ALK: variants seen among roughly 807,000 people sequenced by gnomAD.
ALK encodes ALK receptor tyrosine kinase, also known as ALK tyrosine kinase receptor.
A neutral mutation model predicts 163.1 loss-of-function variants in ALK; 74 were observed. The observed-to-expected ratio is 0.45, with a 90% CI of 0.38 to 0.55. The LOEUF is 0.55. ALK is among the 20% of genes least tolerant of loss of function. ALK has a pLI of 0.00. For synonymous variants in ALK, 960 were observed against 843.2 expected (o/e 1.14, Z -2.40); for missense variants, 2,063 against 2,105.3 (o/e 0.98, Z 0.39).
chr2:29,508,251 G>A (rs1476713084), intron 4 of ALK, among the ~76,000 whole-genome samples: 7 of 152,092 alleles, frequency 4.6e-5, no homozygotes, highest in Admixed American at 3.9e-4. Context: ...GACACCCAAC[G>A]CATTTCCTTT....
At chr2:29,482,628 A>G (rs1439656352) in intron 4 of ALK, among the ~76,000 whole-genome samples, 1 of 152,142 alleles carries the variant, frequency 6.6e-6, no homozygotes, top group Non-Finnish European at 1.5e-5. Context: ...CATGTATCCT[A>G]TGGGTCCTCA....
chr2:29,897,134 AC>A (rs983213849), intron 1 of ALK, among the ~76,000 whole-genome samples: 2 of 152,178 alleles, frequency 1.3e-5, no homozygotes, highest in Non-Finnish European at 2.9e-5. Context: ...AGCCTGGCCA[AC>A]ATGGTGAAAC....
At chr2:29,591,449 C>T (rs1338713484) in intron 3 of ALK, among the ~76,000 whole-genome samples, 4 of 152,100 alleles carry the variant, frequency 2.6e-5, no homozygotes, top group East Asian at 1.9e-4. Context: ...GAGGGCTGGA[C>T]GTAGGCAAGT....
intron 8 of ALK, among the ~76,000 whole-genome samples, chr2:29,302,392 C>T (rs1666396591): frequency 1.3e-5 from 2 of 152,124 alleles, no homozygotes; most frequent in Non-Finnish European, 2.9e-5. Context: ...GTGGCAGGCA[C>T]CTGTAATCCC....
chr2:29,738,928 A>G (rs1389912040), intron 1 of ALK, among the ~76,000 whole-genome samples: 2 of 152,088 alleles, frequency 1.3e-5, no homozygotes, highest in East Asian at 3.9e-4. Flanking sequence ...GATGTGCAGA[A>G]AAGGGAGAAA....
At chr2:29,221,127 A>G in intron 22 of ALK, 1 of 577,268 alleles carries the variant, frequency 1.7e-6, no homozygotes. Flanking sequence ...GGGGCAGGAG[A>G]GTGTCTTTCT....
chr2:29,408,439 CATGAGGGGTAACAAGCCCG>C (rs1291194268), intron 4 of ALK, among the ~76,000 whole-genome samples: 1 of 151,970 alleles, frequency 6.6e-6, no homozygotes, highest in Non-Finnish European at 1.5e-5. Flanking sequence ...TGGAGTGGAC[CATGAGGGGTAACAAGCCCG>C]ATGGAGCTCA....
chr2:29,270,099 A>G (rs1454363033), intron 11 of ALK, among the ~76,000 whole-genome samples: 3 of 151,980 alleles, frequency 2.0e-5, no homozygotes, highest in Non-Finnish European at 2.9e-5. Flanking sequence ...GACCTATTCA[A>G]TAATGAAAGA....
intron 3 of ALK, among the ~76,000 whole-genome samples, chr2:29,569,085 C>T (rs1674279973): frequency 6.6e-6 from 1 of 152,166 alleles, no homozygotes; most frequent in Admixed American, 6.5e-5. Context: ...GGCTTCCAAT[C>T]ACATGCCACA....
intron 4 of ALK, among the ~76,000 whole-genome samples, chr2:29,426,762 G>A (rs1404111415): frequency 2.0e-5 from 3 of 152,076 alleles, no homozygotes; most frequent in Non-Finnish European, 1.5e-5. Flanking sequence ...GTTATAGGCC[G>A]GGCACGGTGG....
intron 1 of ALK, among the ~76,000 whole-genome samples, chr2:29,822,808 T>C (rs1392977978): frequency 6.6e-6 from 1 of 152,250 alleles, no homozygotes; most frequent in African/African-American, 2.4e-5. Flanking sequence ...AACGAATCAC[T>C]GGACTTCTCA....
intron 3 of ALK, among the ~76,000 whole-genome samples, chr2:29,628,609 G>A (rs1292359035): frequency 6.6e-6 from 1 of 152,180 alleles, no homozygotes; most frequent in Non-Finnish European, 1.5e-5. Context: ...ATGGTGTACA[G>A]TTCTATTTTA....
intron 4 of ALK, among the ~76,000 whole-genome samples, chr2:29,504,232 G>C (rs917687340): frequency 1.3e-5 from 2 of 152,072 alleles, no homozygotes; most frequent in African/African-American, 4.8e-5. Context: ...GTGGCCAGGA[G>C]AAACAGATGG....
chr2:29,781,112 G>T (rs963080837), intron 1 of ALK, among the ~76,000 whole-genome samples: 2 of 152,202 alleles, frequency 1.3e-5, no homozygotes, highest in East Asian at 3.9e-4. Flanking sequence ...TGCCCCCAGG[G>T]AGTTCAAGGG....
At chr2:29,492,318 T>A (rs1671921101) in intron 4 of ALK, among the ~76,000 whole-genome samples, 1 of 152,184 alleles carries the variant, frequency 6.6e-6, no homozygotes, top group Admixed American at 6.5e-5. Flanking sequence ...TTTGAGTGTG[T>A]TTTCCATGGA....
chr2:29,332,725 G>A (rs1388397561), intron 5 of ALK, among the ~76,000 whole-genome samples: 3 of 152,048 alleles, frequency 2.0e-5, no homozygotes, highest in African/African-American at 7.2e-5. Flanking sequence ...CTTTTTAATG[G>A]CTACAATATT....
intron 1 of ALK, among the ~76,000 whole-genome samples, chr2:29,883,995 AAC>A (rs1666930172): frequency 1.3e-5 from 2 of 152,344 alleles, no homozygotes; most frequent in Admixed American, 6.5e-5. Context: ...TGTGCACACA[AAC>A]ACAGACTGTA....
chr2:29,606,828 C>T (rs927298938), intron 3 of ALK, among the ~76,000 whole-genome samples: 17 of 152,202 alleles, frequency 1.1e-4, no homozygotes, highest in Non-Finnish European at 1.6e-4. Flanking sequence ...ATCTTGTTCA[C>T]TCTTTCCTGT....
Position 29,233,478 on chromosome 2 carries a change from G to A in ALK, c.2487+87C>T, listed in dbSNP as rs1664276636. ...TCTTTACACGGGGATAAGAGCATCT[G>A]AGGTGTTTCTATCCCAGGGCTGTCA... On this transcript the variant is annotated intron_variant, in intron 14 of 28. Transcript: ENST00000389048. The A allele has an allele frequency of 6.4e-6, 10 of 1,570,626 alleles. No homozygotes were observed. The South Asian group carries it at 1.1e-4, about 17-fold the overall frequency.
Sources: gnomAD v4.1 joint callset for allele counts (sites outside exome capture counted in the v4.1 genomes callset) on GRCh38, gnomAD v4.1.1 for gene constraint, MANE v1.5 for transcripts, NCBI Gene and HGNC (gene_info 2026-07-23, HGNC 2026-07-21) for gene names.